The following FOXN3 variants were observed in gnomAD, a reference collection of about 807,000 sequenced individuals.
FOXN3 encodes forkhead box N3, also known as forkhead box protein N3.
Under a neutral mutation model 38.4 loss-of-function variants are expected in FOXN3, and 7 were observed. The ratio of observed to expected loss-of-function variants is 0.18; its 90% CI spans 0.10 to 0.34. FOXN3 has a LOEUF of 0.34. Among genes scored for constraint, FOXN3 ranks in the 10% least tolerant of loss-of-function variants. The pLI is 1.00. For missense variants in FOXN3, 456 were observed against 613.4 expected (o/e 0.74, Z 2.71); for synonymous variants, 230 against 242.2 (o/e 0.95, Z 0.47).
intron 1 of FOXN3, among the ~76,000 whole-genome samples, chr14:89,493,114 T>G (rs1251025464): frequency 6.6e-6 from 1 of 152,208 alleles, no homozygotes; most frequent in African/African-American, 2.4e-5. Context: ...AGTCCACCTA[T>G]GGTCGGAAAA....
At position 89,164,375 on chromosome 14, in the gene FOXN3, C is replaced by T. The variant is rs141825295; in HGVS notation, c.852-1406G>A. 2.6e-5 allele frequency among the ~76,000 whole-genome samples: 4 copies of T among 152,132 alleles called. No individual in the cohort carries two copies. The highest frequency in any genetic ancestry group is 5.9e-5 in the Non-Finnish European group (4 of 68,012). On this transcript the variant is annotated intron_variant, in intron 5 of 5. Coordinates refer to ENST00000557258, the MANE Select transcript of FOXN3 (RefSeq NM_005197.4). The surrounding 1 kb of genome is among the most constrained non-coding windows in gnomAD (Gnocchi z 4.3). ...ACTGTTCTATGGCACCATGCTGGCC[C>T]GGTTTCCTGTAAGCTCATCTACCTC...
chr14:89,337,230 GC>G (rs1888487983), intron 3 of FOXN3, among the ~76,000 whole-genome samples: 1 of 152,322 alleles, frequency 6.6e-6, no homozygotes, highest in Non-Finnish European at 1.5e-5. Context: ...GAGAAGGATA[GC>G]ATTTGGGTGA....
intron 5 of FOXN3, among the ~76,000 whole-genome samples, chr14:89,170,289 T>G (rs1430666222): frequency 6.6e-6 from 1 of 152,148 alleles, no homozygotes; most frequent in African/African-American, 2.4e-5. Context: ...TGCATCCCTT[T>G]CAGTATGCAA....
chr14:89,488,058 A>T (rs1250390214), intron 1 of FOXN3, among the ~76,000 whole-genome samples: 1 of 151,210 alleles, frequency 6.6e-6, no homozygotes, highest in East Asian at 1.9e-4. Flanking sequence ...GTTACTTCCA[A>T]GTGCAGACAG....
At chr14:89,281,672 C>T (rs1886465281) in intron 3 of FOXN3, among the ~76,000 whole-genome samples, 1 of 152,124 alleles carries the variant, frequency 6.6e-6, no homozygotes, top group Admixed American at 6.5e-5. Context: ...ACACTTACCG[C>T]ATTCATAGAT....
intron 2 of FOXN3, among the ~76,000 whole-genome samples, chr14:89,362,894 G>A (rs183197735): frequency 2.1e-4 from 32 of 151,510 alleles, no homozygotes; most frequent in East Asian, 7.8e-4. Flanking sequence ...AAGGTGGATC[G>A]TTGGGCCTGA....
chr14:89,288,670 T>TTCTCTCTCTCTC (rs1202531466), intron 3 of FOXN3, among the ~76,000 whole-genome samples: 1 of 54,162 alleles, frequency 1.8e-5, no homozygotes. Context: ...GGCACTCTCT[T>TTCTCTCTCTCTC]TCTCTCTCTC....
chr14:89,420,984 GA>G (rs1329654093), upstream of FOXN3, among the ~76,000 whole-genome samples: 4 of 150,212 alleles, frequency 2.7e-5, no homozygotes, highest in Non-Finnish European at 5.9e-5. Context: ...GAACAACTCA[GA>G]AATCATTGCA....
At chr14:89,342,921 CT>C (rs1219615938) in intron 3 of FOXN3, among the ~76,000 whole-genome samples, 7 of 152,298 alleles carry the variant, frequency 4.6e-5, no homozygotes, top group Admixed American at 3.9e-4. Context: ...AAATATGTTG[CT>C]TTCAAGTAAA....
At chr14:89,365,257 C>G (rs765381799) in intron 2 of FOXN3, among the ~76,000 whole-genome samples, 25 of 151,788 alleles carry the variant, frequency 1.6e-4, no homozygotes, top group Non-Finnish European at 3.2e-4. Flanking sequence ...CCGAGGCTGA[C>G]AGATCTACTC....
At chr14:89,227,429 C>T (rs902707350) in intron 4 of FOXN3, among the ~76,000 whole-genome samples, 2 of 152,318 alleles carry the variant, frequency 1.3e-5, no homozygotes, top group Non-Finnish European at 2.9e-5. Flanking sequence ...TTTACTCCAA[C>T]TAGACAAAAT....
intron 1 of FOXN3, among the ~76,000 whole-genome samples, chr14:89,533,305 GC>G (rs377227251): frequency 3.3e-3 from 504 of 152,270 alleles, no homozygotes; most frequent in African/African-American, 0.012. Context: ...CTCATGAACT[GC>G]CCTGCCTCTC....
chr14:89,397,405 A>G (rs1004129896), intron 2 of FOXN3, among the ~76,000 whole-genome samples: 2 of 151,204 alleles, frequency 1.3e-5, no homozygotes, highest in Non-Finnish European at 2.9e-5. Flanking sequence ...CTATATAACA[A>G]ACCTGCACAT....
intron 2 of FOXN3, among the ~76,000 whole-genome samples, chr14:89,367,853 C>T (rs1282382371): frequency 6.6e-6 from 1 of 152,098 alleles, no homozygotes; most frequent in African/African-American, 2.4e-5. Context: ...ACCCTCCCCT[C>T]GTCTCCCAGA....
intron 1 of FOXN3, among the ~76,000 whole-genome samples, chr14:89,510,040 A>T (rs1268759048): frequency 6.6e-6 from 1 of 152,182 alleles, no homozygotes; most frequent in Non-Finnish European, 1.5e-5. Context: ...TCCTCCCCAT[A>T]GAACCCACAT....
chr14:89,195,275 A>C (rs1888067974), intron 4 of FOXN3, among the ~76,000 whole-genome samples: 1 of 148,794 alleles, frequency 6.7e-6, no homozygotes, highest in African/African-American at 2.5e-5. Flanking sequence ...GTGCTGCCCC[A>C]CTCTCTTCCT....
chr14:89,560,790 A>G (rs1566700409), intron 1 of FOXN3, among the ~76,000 whole-genome samples: 1 of 152,238 alleles, frequency 6.6e-6, no homozygotes, highest in Non-Finnish European at 1.5e-5. Flanking sequence ...TGGCTTGCAG[A>G]GGAGGTCACT....
At chr14:89,536,034 G>A (rs931945361) in intron 1 of FOXN3, among the ~76,000 whole-genome samples, 16 of 152,186 alleles carry the variant, frequency 1.1e-4, no homozygotes, top group Non-Finnish European at 7.3e-5. Flanking sequence ...TGTAAATAAC[G>A]GCACATGTGT....
At chr14:89,438,207 A>C (rs1471228458) in intron 1 of FOXN3, among the ~76,000 whole-genome samples, 2 of 152,274 alleles carry the variant, frequency 1.3e-5, no homozygotes, top group African/African-American at 4.8e-5. Context: ...ACTGAAGCTG[A>C]AAGCTCAAGT....
Sources: gnomAD v4.1 joint callset for allele counts (sites outside exome capture counted in the v4.1 genomes callset) on GRCh38, gnomAD v4.1.1 for gene constraint, Gnocchi (gnomAD v3.1) non-coding constraint, MANE v1.5 for transcripts, NCBI Gene and HGNC (gene_info 2026-07-23, HGNC 2026-07-21) for gene names.